IFT74: variants seen among roughly 807,000 people sequenced by gnomAD.
IFT74 encodes the protein intraflagellar transport 74.
IFT74 carries 92 observed loss-of-function variants against 96.7 expected under a neutral mutation model. The observed-to-expected ratio is 0.95, with a 90% CI of 0.80 to 1.13. The LOEUF (loss-of-function observed/expected upper bound fraction) is 1.13, where lower values mean the gene tolerates loss of function less well. Ranked by LOEUF, IFT74 falls within the 50% of genes most tolerant of loss-of-function variation. The pLI is 0.00. For missense variants in IFT74, 811 were observed against 698.2 expected (o/e 1.16, Z -1.82); for synonymous variants, 223 against 213.2 (o/e 1.05, Z -0.40).
At chr9:27,038,819 G>C (rs1819333784) in intron 13 of IFT74, among the ~76,000 whole-genome samples, 3 of 152,154 alleles carry the variant, frequency 2.0e-5, no homozygotes, top group Admixed American at 2.0e-4. Flanking sequence ...AAGTGTTAAA[G>C]GGTATGATCC....
At chr9:27,060,427 TTAC>T (rs1460271163) in intron 18 of IFT74, among the ~76,000 whole-genome samples, 161 bp from the exon 19 acceptor site, 14 of 151,636 alleles carry the variant, frequency 9.2e-5, no homozygotes, top group African/African-American at 3.4e-4. Flanking sequence ...ATTAATATAT[TTAC>T]TATTATTTAA....
chr9:26,992,728 G>T (rs1217080081), intron 8 of IFT74, among the ~76,000 whole-genome samples: 1 of 151,890 alleles, frequency 6.6e-6, no homozygotes, highest in Non-Finnish European at 1.5e-5. Flanking sequence ...TTGTTACGAA[G>T]GTTACTTTTC....
At position 26,998,091 on chromosome 9, in the gene IFT74, G is replaced by C. The variant is rs1177706962; in HGVS notation, c.587+7896G>C. The C allele has an allele frequency of 2.5e-6, 4 of 1,613,392 alleles. 1 individual carries two copies. The South Asian group carries it at 3.3e-5, about 13-fold the overall frequency. On this transcript the variant is annotated intron_variant, in intron 8 of 19. Transcript: ENST00000380062. The stretch of plus-strand genomic sequence containing the variant: ...GTAACCTTGTTCTCAATCAAATAGA[G>C]CTCTGTGAGTAAAAAGTATGTCTGT...
intron 1 of IFT74, among the ~76,000 whole-genome samples, chr9:26,947,756 C>T (rs1481986500): frequency 1.3e-5 from 2 of 152,152 alleles, no homozygotes; most frequent in Admixed American, 1.3e-4. Context: ...TTATCTGAAT[C>T]TCCTACTCTC....
chr9:26,973,702 A>AC, intron 2 of IFT74, among the ~76,000 whole-genome samples: 1 of 152,136 alleles, frequency 6.6e-6, no homozygotes, highest in Non-Finnish European at 1.5e-5. Flanking sequence ...ATTTTCCAAG[A>AC]TTTTTGCCTT....
intron 13 of IFT74, among the ~76,000 whole-genome samples, chr9:27,033,893 CT>C (rs2131658287): frequency 6.6e-6 from 1 of 152,180 alleles, no homozygotes; most frequent in African/African-American, 2.4e-5. Context: ...AAGGTGGTTC[CT>C]TACCAATGCT....
intron 13 of IFT74, among the ~76,000 whole-genome samples, chr9:27,032,569 TA>T (rs201209087): frequency 6.6e-6 from 1 of 151,128 alleles, no homozygotes; most frequent in Non-Finnish European, 1.5e-5. Context: ...CTTTTCAGCT[TA>T]AAAAAAAAGT....
intron 2 of IFT74, among the ~76,000 whole-genome samples, chr9:26,966,214 G>C (rs1563937608): frequency 6.6e-6 from 1 of 151,904 alleles, no homozygotes; most frequent in African/African-American, 2.4e-5. Flanking sequence ...TGGATCATAT[G>C]ATAGTTCTAT....
intron 1 of IFT74, among the ~76,000 whole-genome samples, chr9:26,961,217 A>C (rs1321821055): frequency 6.6e-6 from 1 of 150,706 alleles, no homozygotes; most frequent in Non-Finnish European, 1.5e-5. Context: ...CGGCCTCCTG[A>C]GTAGCTGGTA....
At chr9:27,000,791 T>C (rs1563963272) in intron 8 of IFT74, among the ~76,000 whole-genome samples, 1 of 152,242 alleles carries the variant, frequency 6.6e-6, no homozygotes, top group Non-Finnish European at 1.5e-5. Context: ...TTTACCTATG[T>C]AACAAACCTG....
At position 27,016,894 on chromosome 9, in the gene IFT74, T is replaced by C. The variant is rs1295557435; in HGVS notation, c.790-13T>C. On this transcript the variant is annotated splice_polypyrimidine_tract_variant and intron_variant, in intron 10 of 19. Transcript: ENST00000380062. ...AATACTAATTAAAACTTTCCCTTCT[T>C]ATTTTCCTTTAGGAAATAGCTCACT... 1 of 1,579,314 alleles carries C rather than the reference T, an allele frequency of 6.3e-7. No individual in the cohort carries two copies. Among genetic ancestry groups the C allele is most frequent in the East Asian group, 2.2e-5 (1 of 44,562 alleles).
chr9:26,999,776 T>A, intron 8 of IFT74: 2 of 857,150 alleles, frequency 2.3e-6, no homozygotes, highest in Non-Finnish European at 3.3e-6. Flanking sequence ...TATTCTTTTT[T>A]TTTTTTTTTT....
At position 26,993,277 on chromosome 9, in the gene IFT74, A is replaced by G. The variant is rs571851271; in HGVS notation, c.587+3082A>G. 6 of 152,268 alleles carry G rather than the reference A, an allele frequency of 3.9e-5. No individual in the cohort carries two copies. The East Asian group carries it at 1.2e-3, about 29-fold the overall frequency. The allele number at this position is 152,268 out of a possible 1,614,324, so 9.4% of individuals were successfully genotyped here. Reference sequence around the variant, plus strand: ...ACATTTCTCAAATATTAATATTTGCATCTTATAATTAGGAAATAATTTAGC... The same window carrying G: ...ACATTTCTCAAATATTAATATTTGCGTCTTATAATTAGGAAATAATTTAGC... On this transcript the variant is annotated intron_variant, in intron 8 of 19. Transcript: ENST00000380062.
chr9:27,036,888 G>A (rs1819225797), intron 13 of IFT74: 2 of 931,418 alleles, frequency 2.1e-6, no homozygotes, highest in Middle Eastern at 1.1e-3. Flanking sequence ...CCCCTACAAT[G>A]GCAAAAAAAA....
chr9:26,977,319 C>T (rs935330638), intron 2 of IFT74, among the ~76,000 whole-genome samples: 1 of 152,022 alleles, frequency 6.6e-6, no homozygotes, highest in African/African-American at 2.4e-5. Flanking sequence ...AGTTTTGAAC[C>T]AGGCACAGTG....
At chr9:27,026,477 C>T (rs1447373460) in intron 12 of IFT74, among the ~76,000 whole-genome samples, 2 of 152,060 alleles carry the variant, frequency 1.3e-5, no homozygotes, top group Admixed American at 1.3e-4. Flanking sequence ...CAAATGGACT[C>T]AACAGATATT....
At chr9:26,994,722 A>T (rs1228741257) in intron 8 of IFT74, 2 of 152,626 alleles carry the variant, frequency 1.3e-5, no homozygotes, top group Non-Finnish European at 2.9e-5. Flanking sequence ...ATAGATAGAA[A>T]TAGCTGTCCA....
At chr9:26,993,465 T>C (rs1827979465) in intron 8 of IFT74, 1 of 152,590 alleles carries the variant, frequency 6.6e-6, no homozygotes, top group African/African-American at 2.4e-5. Flanking sequence ...CAAGCAAATA[T>C]GTATTATAAA....
At chr9:26,981,126 A>G (rs2131532342) in intron 4 of IFT74, among the ~76,000 whole-genome samples, 1 of 152,312 alleles carries the variant, frequency 6.6e-6, no homozygotes, top group South Asian at 2.1e-4. Flanking sequence ...CCATGAGGGC[A>G]GAGTCGTCAT....
Sources: allele counts gnomAD v4.1 joint callset (sites outside exome capture counted in the v4.1 genomes callset), GRCh38; gene constraint gnomAD v4.1.1; transcripts MANE v1.5; gene names NCBI Gene and HGNC (gene_info 2026-07-23, HGNC 2026-07-21).